USP14: variants seen among roughly 807,000 people sequenced by gnomAD.
USP14 encodes the protein ubiquitin specific peptidase 14.
A neutral mutation model predicts 76.5 loss-of-function variants in USP14; 38 were observed. The ratio of observed to expected loss-of-function variants is 0.50; its 90% CI spans 0.38 to 0.65. USP14 has a LOEUF of 0.65. Among genes scored for constraint, USP14 ranks in the 30% least tolerant of loss-of-function variants. USP14 has a pLI of 0.00. For synonymous variants in USP14, 192 were observed against 191.7 expected, an observed-to-expected ratio of 1.00 and a Z score of -0.01; for missense variants, 467 against 586.5, an observed-to-expected ratio of 0.80 and a Z score of 2.10.
rs1217461372 is a variant in USP14, at chr18:213,350, A to ATCC, written c.*2068_*2069insCTC. On this transcript the variant is annotated 3_prime_UTR_variant, in exon 16 of 16. Transcript: ENST00000261601. ...TAAAAATTGTAATTAATTCCTTATCATCATTATAAAAAGCTTGATTTTTTT... is the reference window on the plus strand; with the variant it reads ...TAAAAATTGTAATTAATTCCTTATCATCCTCATTATAAAAAGCTTGATTTTTTT... 4 of 152,050 alleles carry ATCC rather than the reference A, an allele frequency of 2.6e-5. No homozygotes were observed. The highest frequency in any genetic ancestry group is 4.8e-5 in the African/African-American group (2 of 41,424). 9.4% of individuals were successfully genotyped at this position (152,050 alleles called of 1,614,324 possible).
At chr18:196,543 T>C in intron 6 of USP14, 94 bp from the exon 7 acceptor site, 1 of 1,395,680 alleles carries the variant, frequency 7.2e-7, no homozygotes, top group South Asian at 1.5e-5. Flanking sequence ...AAAAATTAAG[T>C]AAGTTTTTGT....
At chr18:204,456 A>G in intron 12 of USP14, 108 bp from the exon 13 acceptor site, 2 of 1,035,090 alleles carry the variant, frequency 1.9e-6, no homozygotes, top group Non-Finnish European at 2.6e-6. Flanking sequence ...CACAGATTTT[A>G]TTTTCAACTG....
In USP14 at chr18:176,908, T is replaced by TTTTTAATA. The variant is rs572410929; in HGVS notation, c.196-2025_196-2024insTTTTAATA. Among the ~76,000 whole-genome samples, 699 of 152,292 alleles carry TTTTTAATA rather than the reference T, an allele frequency of 4.6e-3. 5 individuals carry two copies. Among genetic ancestry groups the TTTTTAATA allele is most frequent in the Non-Finnish European group, 7.7e-3 (522 of 68,018 alleles). On this transcript the variant is annotated intron_variant, in intron 3 of 15. Coordinates refer to ENST00000261601, the MANE Select transcript of USP14 (RefSeq NM_005151.4). ...TTTCCTAATAATTTTTTAAGGGCAT[T>TTTTTAATA]GTTTTAGTCTCTATTCTTTTTCAGA... is the stretch of plus-strand genomic sequence containing the variant.
intron 9 of USP14, 81 bp from the exon 10 acceptor site, chr18:199,121 G>T (rs892916135): frequency 3.6e-6 from 3 of 836,934 alleles, no homozygotes; most frequent in Non-Finnish European, 5.6e-6. Context: ...AATTTTAATG[G>T]AATTAGGATA....
chr18:212,487 C>T lies in USP14; in HGVS notation c.*1203C>T, dbSNP rs1910695641. 6.6e-6 allele frequency: 1 copy of T among 152,074 alleles called. No individual in the cohort carries two copies. The highest frequency in any genetic ancestry group is 6.6e-5 in the Admixed American group (1 of 15,258). 9.4% of individuals were successfully genotyped at this position (152,074 alleles called of 1,614,324 possible). A position where few individuals can be genotyped will look rare whatever the true frequency, so the allele number is the denominator to read the frequency against. On this transcript the variant is annotated 3_prime_UTR_variant, in exon 16 of 16. Coordinates refer to ENST00000261601, the MANE Select transcript of USP14 (RefSeq NM_005151.4). ...GATGTGGTGGTGCACACCTGTGATC[C>T]CAGCTACTTGGGAGGCTGAGGTGGG...
chr18:204,049 T>C (rs1413691344), intron 12 of USP14, among the ~76,000 whole-genome samples: 1 of 152,190 alleles, frequency 6.6e-6, no homozygotes, highest in Non-Finnish European at 1.5e-5. Flanking sequence ...TGAGCTTAAA[T>C]TCTTAGTATA....
At chr18:191,758 C>A (rs773133024) in intron 5 of USP14, among the ~76,000 whole-genome samples, 1 of 152,136 alleles carries the variant, frequency 6.6e-6, no homozygotes, top group Admixed American at 6.6e-5. Context: ...ATTCTGATTG[C>A]TCCACAATCT....
intron 5 of USP14, among the ~76,000 whole-genome samples, chr18:182,539 A>G (rs1322621321): frequency 6.6e-6 from 1 of 152,228 alleles, no homozygotes; most frequent in African/African-American, 2.4e-5. Flanking sequence ...TGCAGCTGAT[A>G]TATTATCAGT....
chr18:168,844 G>C (rs893779892), intron 3 of USP14, among the ~76,000 whole-genome samples: 5 of 148,484 alleles, frequency 3.4e-5, no homozygotes, highest in Non-Finnish European at 7.4e-5. Context: ...AGGCCGAGGC[G>C]GGTGGATCAC....
At chr18:199,056 TTGAAA>T (rs1474683006) in intron 9 of USP14, 141 bp from the exon 10 acceptor site, 4 of 572,424 alleles carry the variant, frequency 7.0e-6, no homozygotes, top group African/African-American at 3.8e-5. Flanking sequence ...CTTAAGTATG[TTGAAA>T]TGAATCTTGG....
chr18:193,234 G>A (rs1226012197), intron 6 of USP14, among the ~76,000 whole-genome samples: 1 of 152,242 alleles, frequency 6.6e-6, no homozygotes, highest in East Asian at 1.9e-4. Context: ...TTATAAAAGA[G>A]GGTCTTAGTG....
At chr18:185,644 C>CT (rs576216266) in intron 5 of USP14, among the ~76,000 whole-genome samples, 5 of 151,604 alleles carry the variant, frequency 3.3e-5, no homozygotes, top group Admixed American at 1.3e-4. Flanking sequence ...AAATTATTTT[C>CT]TTTTTTTTAG....
intron 13 of USP14, among the ~76,000 whole-genome samples, chr18:207,348 A>C (rs1174095684): frequency 6.9e-6 from 1 of 144,902 alleles, no homozygotes; most frequent in Non-Finnish European, 1.6e-5. Flanking sequence ...CCATTTCTTC[A>C]AAAAAGATTG....
At chr18:183,211 G>A (rs1909833037) in intron 5 of USP14, among the ~76,000 whole-genome samples, 1 of 152,086 alleles carries the variant, frequency 6.6e-6, no homozygotes, top group Non-Finnish European at 1.5e-5. Flanking sequence ...TTTCCTCAGT[G>A]ATTGGTAGTT....
intron 7 of USP14, 62 bp from the exon 8 acceptor site, chr18:197,554 G>T: frequency 1.5e-6 from 2 of 1,339,982 alleles, no homozygotes; most frequent in Non-Finnish European, 1.1e-6. Flanking sequence ...TGATTATTTT[G>T]GAAGAACTTT....
intron 6 of USP14, among the ~76,000 whole-genome samples, chr18:194,760 G>A (rs1177026111): frequency 2.0e-5 from 3 of 152,116 alleles, no homozygotes; most frequent in Middle Eastern, 3.4e-3. Flanking sequence ...GCGAAACCCC[G>A]TCTCTACTAA....
intron 5 of USP14, among the ~76,000 whole-genome samples, chr18:187,693 T>C (rs1191046900): frequency 6.6e-6 from 1 of 152,200 alleles, no homozygotes; most frequent in African/African-American, 2.4e-5. Flanking sequence ...CATTTTGTTA[T>C]TGGCCCTGCT....
intron 5 of USP14, among the ~76,000 whole-genome samples, chr18:183,480 C>T (rs1909841375): frequency 6.6e-6 from 1 of 151,968 alleles, no homozygotes; most frequent in African/African-American, 2.4e-5. Context: ...TTCTCCTCCA[C>T]CTGGTTTCTT....
At chr18:190,924 A>C (rs1910067784) in intron 5 of USP14, among the ~76,000 whole-genome samples, 2 of 152,064 alleles carry the variant, frequency 1.3e-5, no homozygotes, top group Admixed American at 1.3e-4. Context: ...CTAATATGGG[A>C]ATTTTTTTTT....
Sources: gnomAD v4.1 joint callset for allele counts (sites outside exome capture counted in the v4.1 genomes callset) on GRCh38, gnomAD v4.1.1 for gene constraint, MANE v1.5 for transcripts, NCBI Gene and HGNC (gene_info 2026-07-23, HGNC 2026-07-21) for gene names.